Variants in SCLT1 observed in about 807,000 individuals in gnomAD.
The protein encoded by SCLT1 is sodium channel-associated protein 1.
In SCLT1, 78 loss-of-function variants were observed where a neutral mutation model predicts 112.8. The ratio of observed to expected loss-of-function variants is 0.69; its 90% CI spans 0.58 to 0.83. The LOEUF (loss-of-function observed/expected upper bound fraction) is 0.83, where lower values mean the gene tolerates loss of function less well. SCLT1 is among the 40% of genes least tolerant of loss of function. SCLT1 has a pLI of 0.00. For missense variants in SCLT1, 747 were observed against 770.4 expected (o/e 0.97, Z 0.36); for synonymous variants, 257 against 254.7 (o/e 1.01, Z -0.09).
intron 11 of SCLT1, among the ~76,000 whole-genome samples, chr4:128,960,844 C>T (rs957236527): frequency 7.5e-6 from 1 of 133,356 alleles, no homozygotes; most frequent in African/African-American, 2.9e-5. Context: ...GGCGTGAACC[C>T]GGGAAGCGGA....
intron 9 of SCLT1, among the ~76,000 whole-genome samples, chr4:128,989,029 C>T (rs929523153): frequency 2.6e-5 from 4 of 151,812 alleles, no homozygotes; most frequent in African/African-American, 9.7e-5. Context: ...AAAATAACAG[C>T]TGAGAACTTC....
intron 18 of SCLT1, among the ~76,000 whole-genome samples, chr4:128,899,079 G>T (rs1329394436): frequency 6.6e-6 from 1 of 152,088 alleles, no homozygotes; most frequent in Non-Finnish European, 1.5e-5. Context: ...ATTCACAGCC[G>T]AATTCTACCA....
At chr4:128,920,578 C>G (rs1386409153) in intron 18 of SCLT1, among the ~76,000 whole-genome samples, 1 of 152,278 alleles carries the variant, frequency 6.6e-6, no homozygotes, top group East Asian at 1.9e-4. Flanking sequence ...GCCACTGTGC[C>G]CAGCCTAGAA....
chr4:129,070,390 CTT>C (rs374556971), intron 2 of SCLT1, among the ~76,000 whole-genome samples: 1 of 147,024 alleles, frequency 6.8e-6, no homozygotes, highest in Admixed American at 6.8e-5. Context: ...TGGTCCTGGA[CTT>C]TTTTTTTTGT....
chr4:129,018,920 G>T (rs945266842), intron 5 of SCLT1, among the ~76,000 whole-genome samples: 1 of 151,966 alleles, frequency 6.6e-6, no homozygotes, highest in Non-Finnish European at 1.5e-5. Flanking sequence ...CTGGAGAAAA[G>T]ACATTTCTGA....
chr4:129,082,106 C>G (rs1017073864), intron 2 of SCLT1, among the ~76,000 whole-genome samples, 200 bp downstream of exon 2: 1 of 152,112 alleles, frequency 6.6e-6, no homozygotes, highest in Non-Finnish European at 1.5e-5. Flanking sequence ...AGAACTCAGA[C>G]ATTTTATATA....
At chr4:129,009,958 C>T (rs1744374449) in intron 5 of SCLT1, among the ~76,000 whole-genome samples, 1 of 152,076 alleles carries the variant, frequency 6.6e-6, no homozygotes, top group Non-Finnish European at 1.5e-5. Context: ...TAATTAGATC[C>T]CATTTGTCAA....
At chr4:128,927,095 T>G (rs1027368232) in intron 18 of SCLT1, among the ~76,000 whole-genome samples, 1 of 152,024 alleles carries the variant, frequency 6.6e-6, no homozygotes, top group Non-Finnish European at 1.5e-5. Context: ...AATCCCAATA[T>G]ATTTTGAATT....
At chr4:128,989,708 C>T (rs1448731080) in intron 9 of SCLT1, among the ~76,000 whole-genome samples, 1 of 150,434 alleles carries the variant, frequency 6.6e-6, no homozygotes, top group Admixed American at 6.6e-5. Flanking sequence ...ATCAATAAAC[C>T]TTTAGCCAAT....
chr4:128,924,516 C>T (rs1736140484), intron 18 of SCLT1, among the ~76,000 whole-genome samples: 1 of 152,070 alleles, frequency 6.6e-6, no homozygotes, highest in Admixed American at 6.6e-5. Context: ...AGCTGATCTG[C>T]CCACCTTGAC....
intron 5 of SCLT1, among the ~76,000 whole-genome samples, chr4:129,006,499 C>T (rs1197504894): frequency 2.1e-5 from 3 of 146,050 alleles, no homozygotes; most frequent in Non-Finnish European, 4.4e-5. Context: ...GATCAAGCCA[C>T]TGTACTCCAG....
intron 2 of SCLT1, among the ~76,000 whole-genome samples, chr4:129,045,256 T>A (rs983902351): frequency 6.6e-6 from 1 of 152,084 alleles, no homozygotes; most frequent in African/African-American, 2.4e-5. Context: ...CCTGCCATAC[T>A]TTTTTGCTCA....
Position 129,024,258 on chromosome 4 carries a change from T to A in SCLT1, c.290+14783A>T, listed in dbSNP as rs978034234. Among the ~76,000 whole-genome samples the A allele has an allele frequency of 2.6e-5, 4 of 152,174 alleles. No homozygotes were observed. The South Asian group carries it at 8.3e-4, about 31-fold the overall frequency. On this transcript the variant is annotated intron_variant, in intron 5 of 20. Transcript: ENST00000281142. ...CCTCCTCAAGTGGGTCTCTGACCCC[T>A]GACCCCTGACCCCTGAGCAGCCTAA...
intron 2 of SCLT1, among the ~76,000 whole-genome samples, chr4:129,067,767 C>T (rs187878660): frequency 6.6e-6 from 1 of 152,162 alleles, no homozygotes; most frequent in Non-Finnish European, 1.5e-5. Flanking sequence ...CTGCCTTGGC[C>T]TCCCTAAGTG....
intron 5 of SCLT1, among the ~76,000 whole-genome samples, chr4:129,008,039 T>G (rs1744184274): frequency 6.6e-6 from 1 of 152,130 alleles, no homozygotes; most frequent in Non-Finnish European, 1.5e-5. Context: ...TTTACACTCT[T>G]CCTAAATGTA....
chr4:128,908,421 A>G (rs971048886), intron 18 of SCLT1, among the ~76,000 whole-genome samples: 1 of 151,562 alleles, frequency 6.6e-6, no homozygotes, highest in African/African-American at 2.4e-5. Flanking sequence ...TACAGCAGCC[A>G]AACATTACAG....
intron 1 of SCLT1, among the ~76,000 whole-genome samples, chr4:129,083,393 T>C (rs922213208): frequency 1.4e-5 from 2 of 146,404 alleles, no homozygotes; most frequent in Admixed American, 1.4e-4. Flanking sequence ...TTCAAAGGAC[T>C]GAAACCAAAG....
intron 2 of SCLT1, among the ~76,000 whole-genome samples, chr4:129,050,932 T>C (rs1423369181): frequency 3.3e-5 from 5 of 152,132 alleles, no homozygotes; most frequent in Non-Finnish European, 7.4e-5. Flanking sequence ...CAGTTTCTGT[T>C]TTCTGCTTGT....
chr4:128,937,277 CAAAAAAAA>C (rs33922032), intron 17 of SCLT1, among the ~76,000 whole-genome samples: 4 of 113,342 alleles, frequency 3.5e-5, no homozygotes, highest in African/African-American at 1.0e-4. Flanking sequence ...GACTCTGTCT[CAAAAAAAA>C]AAAAAAAGAA....
Sources: allele counts gnomAD v4.1 joint callset (sites outside exome capture counted in the v4.1 genomes callset), GRCh38; gene constraint gnomAD v4.1.1; transcripts MANE v1.5; gene names NCBI Gene and HGNC (gene_info 2026-07-23, HGNC 2026-07-21).